Variants in RNFT2 observed in about 807,000 individuals in gnomAD.
RNFT2 encodes the protein E3 ubiquitin-protein ligase RNFT2.
A neutral mutation model predicts 53.0 loss-of-function variants in RNFT2; 36 were observed. The observed-to-expected ratio is 0.68, with a 90% confidence interval of 0.52 to 0.90. The LOEUF (loss-of-function observed/expected upper bound fraction) is 0.90, where lower values mean the gene tolerates loss of function less well. RNFT2 is among the 40% of genes least tolerant of loss of function. The pLI, the probability that RNFT2 is intolerant of heterozygous loss-of-function variation, is 0.00. For synonymous variants in RNFT2, 260 were observed against 253.2 expected (o/e 1.03, Z -0.26); for missense variants, 514 against 585.6 (o/e 0.88, Z 1.26).
At chr12:116,822,784 C>T (rs1876115747) in intron 7 of RNFT2, among the ~76,000 whole-genome samples, 2 of 151,886 alleles carry the variant, frequency 1.3e-5, no homozygotes, top group African/African-American at 2.4e-5. Flanking sequence ...GGCAGATCAC[C>T]TGAGGAGTTC....
rs752799821 is a variant in RNFT2, at chr12:116,766,880, C to A, written c.694C>A (p.Leu232Ile). 3 of 1,593,954 alleles carry A rather than the reference C, an allele frequency of 1.9e-6. No individual in the cohort carries two copies. The South Asian group carries it at 3.4e-5, about 18-fold the overall frequency. The change falls in exon 6 of 11, where the codon CTT (leucine) becomes ATT (isoleucine). Residue 232 changes from leucine to isoleucine, a missense_variant. Physicochemically the swap from Leu to Ile is conservative, Grantham distance 5 (BLOSUM62 2). This residue lies in a region of RNFT2 where 273 missense variants were observed against 334.4 expected (regional missense o/e 0.82). Coordinates refer to ENST00000257575, the MANE Select transcript of RNFT2 (RefSeq NM_001382266.1). The part of the protein sequence containing the change: ...AFLAGNTLYV[L>I]YTFSSQQLYN... ...TCTGGCGGGGAACACCCTCTATGTG[C>A]TTTATACATTCAGCTCCCAGCAGCT... is the stretch of plus-strand genomic sequence containing the variant.
intron 10 of RNFT2, among the ~76,000 whole-genome samples, chr12:116,843,851 G>A (rs893263966): frequency 1.3e-5 from 2 of 152,302 alleles, no homozygotes; most frequent in East Asian, 1.9e-4. Context: ...TTGGTCATTT[G>A]TCATCTGCAT....
At chr12:116,844,991 C>G (rs993384679) in intron 10 of RNFT2, among the ~76,000 whole-genome samples, 1 of 152,144 alleles carries the variant, frequency 6.6e-6, no homozygotes, top group East Asian at 1.9e-4. Flanking sequence ...ACCTATAATC[C>G]CAGCACTTTG....
chr12:116,767,859 T>A (rs750611880), intron 6 of RNFT2, among the ~76,000 whole-genome samples: 1 of 152,198 alleles, frequency 6.6e-6, no homozygotes, highest in Non-Finnish European at 1.5e-5. Flanking sequence ...ATTACAGGCG[T>A]GAGCCACTGC....
chr12:116,774,539 T>C (rs1172405775), intron 6 of RNFT2, among the ~76,000 whole-genome samples: 1 of 152,122 alleles, frequency 6.6e-6, no homozygotes, highest in East Asian at 1.9e-4. Flanking sequence ...TGAGGGAAGA[T>C]TCTTTTGTGG....
At chr12:116,754,565 T>TG (rs2137080823) in intron 5 of RNFT2, among the ~76,000 whole-genome samples, 1 of 152,322 alleles carries the variant, frequency 6.6e-6, no homozygotes, top group African/African-American at 2.4e-5. Flanking sequence ...TCTCTCACAC[T>TG]GTTTTTCATA....
At chr12:116,744,973 CT>C (rs1265971732) in intron 3 of RNFT2, among the ~76,000 whole-genome samples, 1 of 151,956 alleles carries the variant, frequency 6.6e-6, no homozygotes, top group Admixed American at 6.6e-5. Flanking sequence ...GAGCTGAGCT[CT>C]TTGAAGTGCA....
intron 10 of RNFT2, among the ~76,000 whole-genome samples, chr12:116,839,107 C>T (rs1227827569): frequency 6.6e-6 from 1 of 152,210 alleles, no homozygotes; most frequent in Non-Finnish European, 1.5e-5. Flanking sequence ...ACGTCCCTGG[C>T]TATATGGTCT....
Position 116,849,335 on chromosome 12 carries a change from C to A in RNFT2, c.1222C>A (p.Leu408Ile). 1 of 1,542,384 alleles carries A rather than the reference C, an allele frequency of 6.5e-7. No homozygotes were observed. The highest frequency in any genetic ancestry group is 2.0e-5 in the Admixed American group (1 of 51,018). ...GCAGCACGTGTTCTGTGAGGAGTGCCTCTGCCTGTGGCTGGACCGTGAGCG... is the reference window on the plus strand; with the variant it reads ...GCAGCACGTGTTCTGTGAGGAGTGCATCTGCCTGTGGCTGGACCGTGAGCG... ...LCQHVFCEECLCLWLDRERTC... is the reference protein window; with the variant it reads ...LCQHVFCEECICLWLDRERTC... Residue 408 changes from leucine (L) to isoleucine (I), a missense_variant, in exon 11 of 11, where the codon CTC (leucine) becomes ATC (isoleucine). Around this residue, in one of 3 missense-constraint regions of RNFT2, gnomAD observed 273 missense variants for 334.4 expected, o/e 0.82. Coordinates refer to ENST00000257575, the MANE Select transcript of RNFT2 (RefSeq NM_001382266.1).
In RNFT2 at chr12:116,836,422, C is replaced by G. The variant is rs867930457; in HGVS notation, c.1200+140C>G. 3 of 672,962 alleles carry G rather than the reference C, an allele frequency of 4.5e-6. No homozygotes were observed. The African/African-American group carries it at 5.4e-5, about 12-fold the overall frequency. The allele number at this position is 672,962 out of a possible 1,614,324, so 41.7% of individuals were successfully genotyped here. The stretch of plus-strand genomic sequence containing the variant: ...GACCGGAGTCAGCCAGACCTGGGTT[C>G]CAATCTCACCTCTGCCTCTTAGTAG... On this transcript the variant is annotated intron_variant, in intron 10 of 10. Transcript: ENST00000257575.
chr12:116,821,896 G>A (rs1444307466), intron 7 of RNFT2, among the ~76,000 whole-genome samples: 1 of 126,194 alleles, frequency 7.9e-6, no homozygotes, highest in African/African-American at 3.0e-5. Context: ...GTGCAGTGGC[G>A]CAACCTCAGC....
intron 7 of RNFT2, among the ~76,000 whole-genome samples, chr12:116,814,747 C>T (rs11608311): frequency 0.092 from 13,985 of 151,856 alleles, 799 homozygotes; most frequent in East Asian, 0.2. Flanking sequence ...GGTGCAATCT[C>T]GGCTGGCTGC....
chr12:116,806,384 ATAT>A (rs1565865905), intron 7 of RNFT2, among the ~76,000 whole-genome samples: 7 of 100,724 alleles, frequency 6.9e-5, no homozygotes, highest in African/African-American at 2.8e-4. Context: ...AAAAAAAAAT[ATAT>A]ATATATATAT....
chr12:116,852,259 CAGGAGAAATGGAGGAGCTTTGTA>C lies in RNFT2; in HGVS notation c.*2812_*2834del. On this transcript the variant is annotated 3_prime_UTR_variant, in exon 11 of 11. Transcript: ENST00000257575. ...AGTGGGCAGATTACCATGCAAGCCC[CAGGAGAAATGGAGGAGCTTTGTA>C]GCCACCTCGCTGTCAGCCAGTATTA... 7.9e-7 allele frequency: 1 copy of C among 1,262,610 alleles called. No homozygotes were observed. Among genetic ancestry groups the C allele is most frequent in the Non-Finnish European group, 1.0e-6 (1 of 1,002,618 alleles). 78.2% of individuals were successfully genotyped at this position (1,262,610 alleles called of 1,614,324 possible).
intron 10 of RNFT2, among the ~76,000 whole-genome samples, chr12:116,845,874 G>C (rs995365056): frequency 1.3e-5 from 2 of 152,086 alleles, no homozygotes; most frequent in African/African-American, 4.8e-5. Flanking sequence ...TCCTATCTCA[G>C]GAGCTTTGCA....
rs1872479711 is a variant in RNFT2 at position 116,755,750 on chromosome 12, A to T, written c.627+1690A>T. On this transcript the variant is annotated intron_variant, in intron 5 of 10. Coordinates refer to ENST00000257575, the MANE Select transcript of RNFT2 (RefSeq NM_001382266.1). The stretch of plus-strand genomic sequence containing the variant: ...TTTTTGAACAGTACCCATTCCCTTG[A>T]TGTCTACGATATCACCTTTCTTATA... 3.4e-6 allele frequency: 5 copies of T among 1,471,812 alleles called. No homozygotes were observed. In the South Asian group the frequency reaches 5.7e-5, roughly 17 times the overall value. The allele number at this position is 1,471,812 out of a possible 1,614,324, so 91.2% of individuals were successfully genotyped here.
Position 116,784,760 on chromosome 12 carries a change from G to C in RNFT2, c.882+5412G>C, listed in dbSNP as rs184280610. On this transcript the variant is annotated intron_variant, in intron 7 of 10. Transcript: ENST00000257575. The stretch of plus-strand genomic sequence containing the variant: ...GTTCATTTTGCCTCCCCAGTGACGT[G>C]GGAGCCCATCCTCCTTCTATATCTC... Among the ~76,000 whole-genome samples, 1,473 of 152,186 alleles carry C rather than the reference G, an allele frequency of 9.7e-3. 11 individuals are homozygous for C. Among genetic ancestry groups the C allele is most frequent in the Non-Finnish European group, 0.015 (992 of 68,012 alleles).
rs971941575 is a variant in RNFT2 at position 116,749,286 on chromosome 12, C to G, written c.84-555C>G. ...TCCTAATCTCTTCCTCTTTCCCCCC[C>G]CACCACCCCTTTTGAGACAGGCTCT... On this transcript the variant is annotated intron_variant, in intron 3 of 10. Transcript: ENST00000257575. Among the ~76,000 whole-genome samples the G allele has an allele frequency of 1.8e-4, 7 of 39,662 alleles. 1 individual carries two copies. In the East Asian group the frequency reaches 6.0e-3, roughly 34 times the overall value. The allele number at this position is 39,662 out of a possible 152,430, so 26.0% of individuals were successfully genotyped here. A position where few individuals can be genotyped will look rare whatever the true frequency, so the allele number is the denominator to read the frequency against.
intron 7 of RNFT2, among the ~76,000 whole-genome samples, chr12:116,795,411 A>G (rs1874456758): frequency 1.4e-5 from 2 of 141,474 alleles, no homozygotes; most frequent in African/African-American, 2.5e-5. Context: ...CCATCTCCAG[A>G]AAAAAAAAAA....
Sources: allele counts gnomAD v4.1 joint callset (sites outside exome capture counted in the v4.1 genomes callset), GRCh38; gene constraint gnomAD v4.1.1; regional missense constraint gnomAD v4.1.1; transcripts MANE v1.5; gene names NCBI Gene and HGNC (gene_info 2026-07-23, HGNC 2026-07-21).